The following GRIK1 variants were observed in gnomAD, a reference collection of about 807,000 sequenced individuals.
GRIK1 encodes glutamate receptor ionotropic, kainate 1.
In GRIK1, 69 loss-of-function variants were observed where a neutral mutation model predicts 105.7. The observed-to-expected ratio is 0.65, with a 90% confidence interval of 0.54 to 0.80. The LOEUF is 0.80. Among genes scored for constraint, GRIK1 ranks in the 30% least tolerant of loss-of-function variants. The pLI is 0.00. For synonymous variants in GRIK1, 438 were observed against 431.3 expected, an observed-to-expected ratio of 1.02 and a Z score of -0.19; for missense variants, 1,109 against 1,167.3, an observed-to-expected ratio of 0.95 and a Z score of 0.73.
chr21:29,858,362 C>T (rs1035042217), intron 1 of GRIK1, among the ~76,000 whole-genome samples: 2 of 152,194 alleles, frequency 1.3e-5, no homozygotes, highest in Non-Finnish European at 2.9e-5. Context: ...CCTTCTGCCT[C>T]ATCTCTTCTG....
At chr21:29,793,704 G>C (rs976055762) in intron 1 of GRIK1, among the ~76,000 whole-genome samples, 1 of 152,152 alleles carries the variant, frequency 6.6e-6, no homozygotes, top group Admixed American at 6.6e-5. Flanking sequence ...TAGAAGACCA[G>C]CAAATTAGCT....
At chr21:29,727,331 ATT>A (rs781050250) in intron 1 of GRIK1, among the ~76,000 whole-genome samples, 36 of 152,196 alleles carry the variant, frequency 2.4e-4, no homozygotes, top group Admixed American at 2.0e-4. Context: ...TGTTTATCAC[ATT>A]GTTTTTCGAG....
intron 1 of GRIK1, among the ~76,000 whole-genome samples, chr21:29,847,595 A>G (rs992095453): frequency 2.0e-5 from 3 of 152,208 alleles, no homozygotes; most frequent in Admixed American, 6.5e-5. Context: ...CTCAAAAAAC[A>G]AACAAACAAA....
In GRIK1 at chr21:29,616,677, C is replaced by G. The variant is rs866468088; in HGVS notation, c.1099-17740G>C. On this transcript the variant is annotated intron_variant, in intron 7 of 17. Transcript: ENST00000327783. ...GTGAGGAAAAGAGTCAAATAAATCCCGTGGCATTTCATGAAACCGCCTCAA... is the reference window on the plus strand; with the variant it reads ...GTGAGGAAAAGAGTCAAATAAATCCGGTGGCATTTCATGAAACCGCCTCAA... Among the ~76,000 whole-genome samples, 4 of 152,166 alleles carry G rather than the reference C, an allele frequency of 2.6e-5. No homozygotes were observed. In the East Asian group the frequency reaches 7.7e-4, roughly 29 times the overall value.
At chr21:29,793,229 G>A (rs1301665468) in intron 1 of GRIK1, among the ~76,000 whole-genome samples, 3 of 152,204 alleles carry the variant, frequency 2.0e-5, no homozygotes, top group African/African-American at 7.2e-5. Flanking sequence ...CAGATAACAT[G>A]AACATGAGGC....
intron 14 of GRIK1, among the ~76,000 whole-genome samples, chr21:29,570,937 C>T (rs778742550): frequency 7.3e-5 from 11 of 150,390 alleles, no homozygotes; most frequent in Non-Finnish European, 1.0e-4. Context: ...TGATTTAATC[C>T]TATTCTCTTG....
intron 1 of GRIK1, among the ~76,000 whole-genome samples, chr21:29,779,998 TC>T (rs1182062596): frequency 6.6e-6 from 1 of 152,220 alleles, no homozygotes; most frequent in African/African-American, 2.4e-5. Flanking sequence ...GTTGGGCACT[TC>T]TTTATTAGCT....
At chr21:29,926,902 T>C (rs959578394) in intron 1 of GRIK1, among the ~76,000 whole-genome samples, 3 of 152,206 alleles carry the variant, frequency 2.0e-5, no homozygotes, top group Non-Finnish European at 2.9e-5. Context: ...TTCTCACAAA[T>C]GTCCCACAGA....
intron 16 of GRIK1, among the ~76,000 whole-genome samples, chr21:29,550,496 C>G (rs983590773): frequency 6.6e-6 from 1 of 152,190 alleles, no homozygotes; most frequent in Non-Finnish European, 1.5e-5. Context: ...TTAAAATCAA[C>G]TGGGCATCTG....
intron 1 of GRIK1, among the ~76,000 whole-genome samples, chr21:29,801,319 T>C (rs1471891848): frequency 2.0e-5 from 3 of 151,978 alleles, no homozygotes; most frequent in African/African-American, 7.3e-5. Flanking sequence ...ACTTAATAAA[T>C]AGTACTTACC....
intron 16 of GRIK1, among the ~76,000 whole-genome samples, chr21:29,552,735 C>T (rs780562870): frequency 2.4e-4 from 36 of 151,986 alleles, no homozygotes; most frequent in Non-Finnish European, 4.7e-4. Flanking sequence ...CTGGGATCTT[C>T]AAAGAAGTAC....
chr21:29,931,039 G>T (rs1045548115), intron 1 of GRIK1, among the ~76,000 whole-genome samples: 12 of 152,144 alleles, frequency 7.9e-5, no homozygotes, highest in Admixed American at 6.6e-4. Context: ...GAAAAACTGA[G>T]AATACAGTAC....
chr21:29,891,952 G>A (rs1015831950), intron 1 of GRIK1, among the ~76,000 whole-genome samples: 4 of 152,144 alleles, frequency 2.6e-5, no homozygotes, highest in Non-Finnish European at 4.4e-5. Context: ...TCTACATATC[G>A]TAGGTACTCA....
At chr21:29,854,229 G>A (rs554823690) in intron 1 of GRIK1, among the ~76,000 whole-genome samples, 2 of 152,036 alleles carry the variant, frequency 1.3e-5, no homozygotes, top group African/African-American at 2.4e-5. Flanking sequence ...GTGGGGCTGC[G>A]CTGTTTTAAA....
At chr21:29,930,972 T>C (rs561198924) in intron 1 of GRIK1, among the ~76,000 whole-genome samples, 1 of 152,262 alleles carries the variant, frequency 6.6e-6, no homozygotes, top group African/African-American at 2.4e-5. Context: ...AACCTTGACA[T>C]GGGTTGAATC....
intron 1 of GRIK1, among the ~76,000 whole-genome samples, chr21:29,893,787 A>G (rs2070000517): frequency 6.6e-6 from 1 of 152,184 alleles, no homozygotes. Flanking sequence ...ATTCAGTGTG[A>G]TAAGTACTAG....
At chr21:29,729,498 C>G (rs1395175245) in intron 1 of GRIK1, among the ~76,000 whole-genome samples, 1 of 152,154 alleles carries the variant, frequency 6.6e-6, no homozygotes, top group Non-Finnish European at 1.5e-5. Flanking sequence ...TGATTGAACA[C>G]CTACAGGCAC....
At chr21:29,616,113 C>G (rs2061844977) in intron 7 of GRIK1, among the ~76,000 whole-genome samples, 1 of 152,162 alleles carries the variant, frequency 6.6e-6, no homozygotes, top group African/African-American at 2.4e-5. Flanking sequence ...AAAGTTAAAT[C>G]AGAAAAATGG....
At position 29,855,608 on chromosome 21, in the gene GRIK1, C is replaced by T. The variant is rs528784541; in HGVS notation, c.118+83775G>A. On this transcript the variant is annotated intron_variant, in intron 1 of 17. Transcript: ENST00000327783. ...AATTTTATTTGTATGTAATGAGCAG[C>T]CAAAGGAGGGTTTTAAGCAGATTAG... Among the ~76,000 whole-genome samples, 11 of 152,156 alleles carry T rather than the reference C, an allele frequency of 7.2e-5. No individual in the cohort carries two copies. In the South Asian group the frequency reaches 2.3e-3, roughly 32 times the overall value.
Sources: gnomAD v4.1 joint callset for allele counts (sites outside exome capture counted in the v4.1 genomes callset) on GRCh38, gnomAD v4.1.1 for gene constraint, MANE v1.5 for transcripts, NCBI Gene and HGNC (gene_info 2026-07-23, HGNC 2026-07-21) for gene names.